KIAA1549: variants seen among roughly 807,000 people sequenced by gnomAD.
The protein encoded by KIAA1549 is KIAA1549.
In KIAA1549, 70 loss-of-function variants were observed where a neutral mutation model predicts 156.4. The observed-to-expected ratio is 0.45, with a 90% confidence interval of 0.37 to 0.55. The LOEUF (loss-of-function observed/expected upper bound fraction) is 0.55. KIAA1549 is among the 20% of genes least tolerant of loss of function. The probability of loss-of-function intolerance (pLI) is 0.00; values close to 1 mark genes in which losing one functional copy is unlikely to be tolerated. For synonymous variants in KIAA1549, 1,103 were observed against 1,066.4 expected, an observed-to-expected ratio of 1.03 and a Z score of -0.67; for missense variants, 2,428 against 2,540.9, an observed-to-expected ratio of 0.96 and a Z score of 0.96.
intron 1 of KIAA1549, among the ~76,000 whole-genome samples, chr7:138,978,620 G>C (rs1327839942): frequency 2.6e-5 from 4 of 152,216 alleles, no homozygotes. Flanking sequence ...AAGTTAACAA[G>C]AGAAGCCAGC....
At chr7:138,892,757 T>C (rs1811577806) in intron 10 of KIAA1549, among the ~76,000 whole-genome samples, 1 of 152,166 alleles carries the variant, frequency 6.6e-6, no homozygotes, top group African/African-American at 2.4e-5. Context: ...AAGTAATGCA[T>C]ATTTTTTTTC....
At chr7:138,977,719 AGACGGAGTCTTGCTCT>A (rs1191098021) in intron 1 of KIAA1549, among the ~76,000 whole-genome samples, 2 of 150,804 alleles carry the variant, frequency 1.3e-5, no homozygotes, top group African/African-American at 2.4e-5. Context: ...TTTTTTTTTG[AGACGGAGTCTTGCTCT>A]GTCGTCCAGG....
chr7:138,860,873 C>T (rs974703698), intron 16 of KIAA1549, among the ~76,000 whole-genome samples: 1 of 152,202 alleles, frequency 6.6e-6, no homozygotes, highest in African/African-American at 2.4e-5. Flanking sequence ...ATAAAATCCC[C>T]CTCCGTTCCT....
rs2130305022 is a variant in KIAA1549, at chr7:138,831,912, A to T, written c.*5994T>A. On this transcript the variant is annotated 3_prime_UTR_variant, in exon 20 of 20. Coordinates refer to ENST00000422774, the MANE Select transcript of KIAA1549 (RefSeq NM_001164665.2). ...CTGAAACAAGTCCTCTGGTGCTTAG[A>T]GCAACTGAATGAATGGGTGGAGCCT... 1 of 233,028 alleles carries T rather than the reference A, an allele frequency of 4.3e-6. No individual in the cohort carries two copies. The highest frequency in any genetic ancestry group is 6.0e-5 in the East Asian group (1 of 16,544). 14.4% of individuals were successfully genotyped at this position (233,028 alleles called of 1,614,324 possible).
intron 16 of KIAA1549, among the ~76,000 whole-genome samples, chr7:138,856,157 G>C (rs1480607673): frequency 6.6e-6 from 1 of 150,856 alleles, no homozygotes; most frequent in African/African-American, 2.4e-5. Flanking sequence ...TCAGCCTCCC[G>C]AGTAGCTGGG....
intron 1 of KIAA1549, among the ~76,000 whole-genome samples, chr7:138,973,970 G>A (rs554082418): frequency 3.4e-4 from 52 of 152,296 alleles, no homozygotes; most frequent in Middle Eastern, 3.4e-3. Context: ...TACTGGATCT[G>A]GGATAGATTA....
chr7:138,881,822 C>A (rs1034412425), intron 10 of KIAA1549, among the ~76,000 whole-genome samples: 1 of 152,190 alleles, frequency 6.6e-6, no homozygotes, highest in Non-Finnish European at 1.5e-5. Context: ...TAGGACAACA[C>A]CTGACCTGCT....
At chr7:138,974,187 A>C (rs1814305224) in intron 1 of KIAA1549, among the ~76,000 whole-genome samples, 1 of 152,176 alleles carries the variant, frequency 6.6e-6, no homozygotes, top group Admixed American at 6.5e-5. Flanking sequence ...TTAAAACCAC[A>C]ATGAGATAGC....
chr7:138,957,818 C>T (rs1563093542), intron 1 of KIAA1549, among the ~76,000 whole-genome samples: 1 of 152,080 alleles, frequency 6.6e-6, no homozygotes, highest in African/African-American at 2.4e-5. Context: ...CAACTGGTAT[C>T]CCAGGGTCAC....
At position 138,837,898 on chromosome 7, in the gene KIAA1549, G is replaced by A. The variant is rs781218670; in HGVS notation, c.*8C>T. The A allele has an allele frequency of 4.3e-6, 7 of 1,612,536 alleles. No individual in the cohort carries two copies. The highest frequency in any genetic ancestry group is 1.7e-5 in the Admixed American group (1 of 59,862). ...CGGATACTTGGCAAATCTGCGAGGC[G>A]AGGCCGATCAGCTGTGGAAGTTCTG... On this transcript the variant is annotated 3_prime_UTR_variant, in exon 20 of 20. Coordinates refer to ENST00000422774, the MANE Select transcript of KIAA1549 (RefSeq NM_001164665.2).
intron 1 of KIAA1549, among the ~76,000 whole-genome samples, chr7:138,921,031 G>A (rs547510588): frequency 3.9e-5 from 6 of 152,304 alleles, no homozygotes; most frequent in African/African-American, 1.4e-4. Flanking sequence ...AGTGACTGGG[G>A]ACCCAAGGCA....
chr7:138,846,289 CT>C (rs1810070183), intron 17 of KIAA1549, among the ~76,000 whole-genome samples: 1 of 152,144 alleles, frequency 6.6e-6, no homozygotes, highest in South Asian at 2.1e-4. Flanking sequence ...AATCCCAGCA[CT>C]TTGGGAGGCC....
intron 10 of KIAA1549, among the ~76,000 whole-genome samples, chr7:138,889,843 C>A (rs538352604): frequency 1.3e-5 from 2 of 152,152 alleles, no homozygotes; most frequent in Admixed American, 1.3e-4. Context: ...GGAACACTGC[C>A]CCTCCTCCCT....
At chr7:138,873,614 A>G (rs1462519819) in intron 12 of KIAA1549, among the ~76,000 whole-genome samples, 2 of 151,048 alleles carry the variant, frequency 1.3e-5, no homozygotes, top group Non-Finnish European at 2.9e-5. Context: ...AAAAAAAAAA[A>G]AAAAGGCCCC....
chr7:138,916,745 T>C lies in KIAA1549; in HGVS notation c.2878+3A>G. 1 of 1,613,690 alleles carries C rather than the reference T, an allele frequency of 6.2e-7. No homozygotes were observed. Among genetic ancestry groups the C allele is most frequent in the Non-Finnish European group, 8.5e-7 (1 of 1,179,736 alleles). On this transcript the variant is annotated splice_donor_region_variant and intron_variant, in intron 2 of 19. Transcript: ENST00000422774. ...AGAGAGGCGGCAGGAAGCTGGGCCT[T>C]ACCAGTTGTGATCAGATAGGCATCG...
rs1293118716 is a variant in KIAA1549, at chr7:138,883,105, AAAAAAAAAAAAAT to A, written c.4033-1534_4033-1522del. ...CATCTCCCCTAAAAAAAAAAAAAAA[AAAAAAAAAAAAAT>A]TCAGCCAGACATGGTATGGTGGTGC... On this transcript the variant is annotated intron_variant, in intron 10 of 19. Coordinates refer to ENST00000422774, the MANE Select transcript of KIAA1549 (RefSeq NM_001164665.2). 4.5e-4 allele frequency among the ~76,000 whole-genome samples: 66 copies of A among 145,630 alleles called. 1 individual carries two copies. Among genetic ancestry groups the A allele is most frequent in the African/African-American group, 1.6e-3 (61 of 38,446 alleles).
chr7:138,931,644 C>T (rs1260982682), intron 1 of KIAA1549, among the ~76,000 whole-genome samples: 3 of 150,208 alleles, frequency 2.0e-5, no homozygotes, highest in East Asian at 2.0e-4. Context: ...CCCATCTACT[C>T]GGGAGGCTGA....
intron 1 of KIAA1549, among the ~76,000 whole-genome samples, chr7:138,968,355 T>TA (rs916080493): frequency 1.3e-5 from 2 of 152,000 alleles, no homozygotes; most frequent in South Asian, 2.1e-4. Context: ...AAATAAAAAT[T>TA]AAAAAAATAA....
chr7:138,930,525 C>T (rs1047798900), intron 1 of KIAA1549, among the ~76,000 whole-genome samples: 4 of 152,308 alleles, frequency 2.6e-5, no homozygotes, highest in African/African-American at 9.6e-5. Flanking sequence ...CTAAATCCTC[C>T]GGATAATTTG....
Sources: allele counts gnomAD v4.1 joint callset (sites outside exome capture counted in the v4.1 genomes callset), GRCh38; gene constraint gnomAD v4.1.1; transcripts MANE v1.5; gene names NCBI Gene and HGNC (gene_info 2026-07-23, HGNC 2026-07-21).